RUVBL1: variants seen among roughly 807,000 people sequenced by gnomAD.
RUVBL1 encodes the protein ruvB-like 1.
RUVBL1 carries 4 observed loss-of-function variants against 52.4 expected under a neutral mutation model. The observed-to-expected ratio is 0.08, with a 90% CI of 0.04 to 0.17. The LOEUF is 0.17. RUVBL1 is among the 10% of genes least tolerant of loss of function. RUVBL1 has a pLI of 1.00. For synonymous variants in RUVBL1, 217 were observed against 214.4 expected (o/e 1.01, Z -0.10); for missense variants, 298 against 572.8 (o/e 0.52, Z 4.90).
At chr3:128,124,943 G>A (rs542008018), upstream of RUVBL1, among the ~76,000 whole-genome samples, 1 of 141,612 alleles carries the variant, frequency 7.1e-6, no homozygotes, top group Non-Finnish European at 1.5e-5. Flanking sequence ...GAGAGTTTAT[G>A]TTAGAATTGA....
At chr3:128,145,357 C>A (rs896136003) in intron 1 of RUVBL1, among the ~76,000 whole-genome samples, 3 of 152,208 alleles carry the variant, frequency 2.0e-5, no homozygotes, top group African/African-American at 4.8e-5. Context: ...CAAGCAGTGT[C>A]TGTGCTTTTC....
At chr3:128,148,782 T>G (rs1480885926) in intron 1 of RUVBL1, among the ~76,000 whole-genome samples, 1 of 152,212 alleles carries the variant, frequency 6.6e-6, no homozygotes, top group Non-Finnish European at 1.5e-5. Context: ...GCAAACATGC[T>G]ACACACACTA....
At chr3:128,126,441 G>T (rs1259678534), upstream of RUVBL1, among the ~76,000 whole-genome samples, 1 of 152,178 alleles carries the variant, frequency 6.6e-6, no homozygotes, top group East Asian at 1.9e-4. Context: ...AGCTACTCAG[G>T]AGGCTGAGGC....
intron 3 of RUVBL1, among the ~76,000 whole-genome samples, chr3:128,112,341 T>G (rs1475238598): frequency 1.3e-5 from 2 of 152,236 alleles, no homozygotes; most frequent in Non-Finnish European, 2.9e-5. Flanking sequence ...TGTAGATTGA[T>G]AATCTCCCCT....
At position 128,142,238 on chromosome 3, in the gene RUVBL1, T is replaced by A. The variant is rs188860438; in HGVS notation, c.-40+10965A>T. ...CCGAGCCTGGAGCTCCCATGGGTCC[T>A]GTCTGGAGCACATGGTAGTGGGGTC... On this transcript the variant is annotated intron_variant, in intron 1 of 9. Transcript: ENST00000464873. Among the ~76,000 whole-genome samples, 375 of 152,318 alleles carry A rather than the reference T, an allele frequency of 2.5e-3. 3 individuals are homozygous for A. Among genetic ancestry groups the A allele is most frequent in the African/African-American group, 8.6e-3 (357 of 41,566 alleles).
chr3:128,109,735 C>G (rs555138819), intron 3 of RUVBL1, among the ~76,000 whole-genome samples: 2 of 151,832 alleles, frequency 1.3e-5, no homozygotes, highest in South Asian at 4.2e-4. Context: ...CTCAAACAAT[C>G]TGCCTGCCTT....
At chr3:128,122,327 A>G (rs770588210) in intron 1 of RUVBL1, among the ~76,000 whole-genome samples, 5 of 152,244 alleles carry the variant, frequency 3.3e-5, no homozygotes, top group African/African-American at 4.8e-5. Context: ...ATGAAAAGAT[A>G]TATGATAAAG....
chr3:128,071,912 G>A (rs918363556), intron 9 of RUVBL1, among the ~76,000 whole-genome samples: 4 of 152,232 alleles, frequency 2.6e-5, no homozygotes, highest in African/African-American at 9.6e-5. Flanking sequence ...CTGCCCGTGA[G>A]GCAGAGTGCA....
intron 1 of RUVBL1, among the ~76,000 whole-genome samples, chr3:128,146,566 G>T (rs761454407): frequency 6.6e-6 from 1 of 150,992 alleles, no homozygotes; most frequent in African/African-American, 2.4e-5. Flanking sequence ...GTGCATGTGC[G>T]TCTGTGTATC....
exon 10 of RUVBL1, chr3:128,065,112 C>T (rs1298047172): frequency 6.9e-7 from 1 of 1,452,690 alleles, no homozygotes; most frequent in Admixed American, 1.7e-5. Flanking sequence ...TGCAGTCCCC[C>T]ACTCTGTGGG....
At chr3:128,087,850 A>T (rs917986690) in intron 8 of RUVBL1, 42 bp from the exon 9 acceptor site, 1 of 1,409,294 alleles carries the variant, frequency 7.1e-7, no homozygotes. Context: ...AGCCTCTGTT[A>T]GACAAGAAAC....
At chr3:128,132,026 C>G (rs1283950563) in intron 1 of RUVBL1, among the ~76,000 whole-genome samples, 1 of 152,226 alleles carries the variant, frequency 6.6e-6, no homozygotes, top group East Asian at 1.9e-4. Flanking sequence ...GACTCACCTG[C>G]ACTACCCCTC....
chr3:128,089,803 C>T (rs941433800), intron 8 of RUVBL1, among the ~76,000 whole-genome samples: 4 of 149,418 alleles, frequency 2.7e-5, no homozygotes, highest in African/African-American at 7.4e-5. Context: ...CCAGCTACTC[C>T]GGAAGCTAAG....
downstream of RUVBL1, among the ~76,000 whole-genome samples, chr3:128,080,694 A>G (rs1187774989): frequency 6.6e-6 from 1 of 152,226 alleles, no homozygotes; most frequent in Non-Finnish European, 1.5e-5. Context: ...AAGAACAAGG[A>G]AAATCTAAGA....
At chr3:128,132,356 G>C (rs1230614704) in intron 1 of RUVBL1, among the ~76,000 whole-genome samples, 3 of 152,306 alleles carry the variant, frequency 2.0e-5, no homozygotes, top group South Asian at 2.1e-4. Context: ...TGCTCTGCTA[G>C]GCTTGGAGCC....
intron 2 of RUVBL1, among the ~76,000 whole-genome samples, chr3:128,118,959 G>C (rs896534657): frequency 2.0e-5 from 3 of 152,112 alleles, no homozygotes; most frequent in African/African-American, 7.2e-5. Flanking sequence ...GCTAGCATTT[G>C]GAAGAATGCT....
chr3:128,104,187 G>C (rs1943170795), intron 4 of RUVBL1, among the ~76,000 whole-genome samples: 1 of 152,188 alleles, frequency 6.6e-6, no homozygotes, highest in Admixed American at 6.5e-5. Context: ...AAGACTTACA[G>C]GACAGGTGGC....
chr3:128,141,211 G>A (rs1224166316), intron 1 of RUVBL1, among the ~76,000 whole-genome samples: 2 of 152,182 alleles, frequency 1.3e-5, no homozygotes, highest in Non-Finnish European at 2.9e-5. Context: ...ACCAAGGCTG[G>A]GGAAATCTGA....
chr3:128,117,292 C>T (rs543351972), intron 2 of RUVBL1, among the ~76,000 whole-genome samples: 2 of 152,224 alleles, frequency 1.3e-5, no homozygotes, highest in African/African-American at 4.8e-5. Context: ...GAGGACAAAA[C>T]GAGAAGCTCT....
Sources: allele counts gnomAD v4.1 joint callset (sites outside exome capture counted in the v4.1 genomes callset), GRCh38; gene constraint gnomAD v4.1.1; transcripts MANE v1.5; gene names NCBI Gene and HGNC (gene_info 2026-07-23, HGNC 2026-07-21).